The following DIAPH3 variants were observed in gnomAD, a reference collection of about 807,000 sequenced individuals.
DIAPH3 encodes the protein protein diaphanous homolog 3.
Under a neutral mutation model 144.3 loss-of-function variants are expected in DIAPH3, and 117 were observed. That is an observed-to-expected ratio of 0.81 (90% confidence interval 0.70 to 0.95). DIAPH3 has a LOEUF of 0.95. DIAPH3 is among the 40% of genes least tolerant of loss of function. The pLI, the probability that DIAPH3 is intolerant of heterozygous loss-of-function variation, is 0.00. For missense variants in DIAPH3, 1,421 were observed against 1,412.7 expected, an observed-to-expected ratio of 1.01 and a Z score of -0.09; for synonymous variants, 519 against 488.9, an observed-to-expected ratio of 1.06 and a Z score of -0.81.
chr13:60,155,075 A>C (rs886540940), intron 1 of DIAPH3, among the ~76,000 whole-genome samples: 9 of 152,226 alleles, frequency 5.9e-5, no homozygotes, highest in Non-Finnish European at 5.9e-5. Context: ...CATAAAGTAG[A>C]GTTAATTCAA....
intron 27 of DIAPH3, among the ~76,000 whole-genome samples, chr13:59,707,338 G>T (rs1436693049): frequency 6.6e-6 from 1 of 152,120 alleles, no homozygotes; most frequent in Non-Finnish European, 1.5e-5. Context: ...GCTGGCACCT[G>T]GTTAAGTAAT....
intron 22 of DIAPH3, among the ~76,000 whole-genome samples, chr13:59,851,976 A>G (rs1047052151): frequency 1.3e-5 from 2 of 152,172 alleles, no homozygotes; most frequent in African/African-American, 4.8e-5. Context: ...CTCACAGTCA[A>G]GCCTAATCCT....
At chr13:59,946,163 G>C (rs891143994) in intron 17 of DIAPH3, among the ~76,000 whole-genome samples, 21 of 152,022 alleles carry the variant, frequency 1.4e-4, no homozygotes, top group African/African-American at 4.3e-4. Context: ...GAAAATGATA[G>C]CTATGATCTA....
intron 25 of DIAPH3, among the ~76,000 whole-genome samples, chr13:59,795,090 T>A (rs2039522346): frequency 6.6e-6 from 1 of 152,194 alleles, no homozygotes; most frequent in Non-Finnish European, 1.5e-5. Flanking sequence ...GTGGGCTCCA[T>A]CAAATATTGC....
chr13:59,809,400 C>T (rs1312570079), intron 25 of DIAPH3, among the ~76,000 whole-genome samples: 1 of 151,426 alleles, frequency 6.6e-6, no homozygotes, highest in East Asian at 2.0e-4. Context: ...ACTCGGGAGG[C>T]TTGAGGCAGG....
intron 24 of DIAPH3, among the ~76,000 whole-genome samples, chr13:59,817,263 CT>C (rs2040828822): frequency 1.3e-5 from 2 of 151,808 alleles, no homozygotes; most frequent in Admixed American, 1.3e-4. Flanking sequence ...TGATATTTTT[CT>C]GCTTATCAGT....
chr13:59,820,932 C>G (rs912911390), intron 24 of DIAPH3, among the ~76,000 whole-genome samples: 3 of 151,772 alleles, frequency 2.0e-5, no homozygotes, highest in Admixed American at 6.6e-5. Flanking sequence ...GCCCACCCAA[C>G]TCAACATTTT....
intron 22 of DIAPH3, among the ~76,000 whole-genome samples, chr13:59,847,003 C>A (rs1272447692): frequency 6.6e-6 from 1 of 152,092 alleles, no homozygotes; most frequent in Non-Finnish European, 1.5e-5. Flanking sequence ...AGCTTGAGCC[C>A]AGGAATTTGA....
intron 20 of DIAPH3, among the ~76,000 whole-genome samples, chr13:59,884,099 C>A (rs1392301175): frequency 1.3e-5 from 2 of 152,088 alleles, no homozygotes; most frequent in African/African-American, 4.8e-5. Flanking sequence ...TGCATTACCA[C>A]CTGAGCTTGA....
chr13:59,758,780 T>TC (rs1336861086), intron 27 of DIAPH3, among the ~76,000 whole-genome samples: 7 of 135,682 alleles, frequency 5.2e-5, no homozygotes, highest in Non-Finnish European at 9.6e-5. Context: ...TTTCTCTCTC[T>TC]TTTTTTTTTT....
chr13:60,068,194 T>C (rs955619544), intron 4 of DIAPH3, among the ~76,000 whole-genome samples: 3 of 152,194 alleles, frequency 2.0e-5, no homozygotes, highest in East Asian at 1.9e-4. Flanking sequence ...TGCTCATCTA[T>C]TGGTGCTTTC....
chr13:59,821,582 TGGTA>T (rs2041078751), intron 24 of DIAPH3, among the ~76,000 whole-genome samples: 1 of 152,160 alleles, frequency 6.6e-6, no homozygotes, highest in South Asian at 2.1e-4. Context: ...TTATTTTCTT[TGGTA>T]ACTAAATGTA....
At chr13:59,716,299 C>T (rs1371783439) in intron 27 of DIAPH3, among the ~76,000 whole-genome samples, 1 of 152,142 alleles carries the variant, frequency 6.6e-6, no homozygotes, top group Non-Finnish European at 1.5e-5. Context: ...CCTCAGCCTC[C>T]CCAGTAGCTG....
intron 9 of DIAPH3, among the ~76,000 whole-genome samples, chr13:59,993,702 T>A (rs1312489762): frequency 1.4e-4 from 10 of 73,868 alleles, no homozygotes; most frequent in South Asian, 9.0e-4. Context: ...GAAACATACT[T>A]AAAAAAAAAA....
intron 20 of DIAPH3, among the ~76,000 whole-genome samples, chr13:59,910,011 C>G (rs1328725673): frequency 6.6e-6 from 1 of 152,116 alleles, no homozygotes; most frequent in Non-Finnish European, 1.5e-5. Context: ...CACTAGAACA[C>G]AGAAATAGTT....
intron 5 of DIAPH3, among the ~76,000 whole-genome samples, chr13:60,037,013 G>A (rs1190213252): frequency 1.2e-3 from 12 of 9,876 alleles, no homozygotes; most frequent in Non-Finnish European, 4.3e-4. Flanking sequence ...ACCCAGACAC[G>A]TAAAAGAAAC....
Position 60,015,904 on chromosome 13 carries a change from T to G in DIAPH3, c.771+9A>C, listed in dbSNP as rs2053610110. On this transcript the variant is annotated intron_variant, in intron 7 of 27. Coordinates refer to ENST00000400324, the MANE Select transcript of DIAPH3 (RefSeq NM_001042517.2). The stretch of plus-strand genomic sequence containing the variant: ...GTGACGGACAAATACTAATTACGTA[T>G]GTACATACCTGCGTATTCATCAGGG... 4 of 1,606,090 alleles carry G rather than the reference T, an allele frequency of 2.5e-6. No individual in the cohort carries two copies. Among genetic ancestry groups the G allele is most frequent in the Non-Finnish European group, 3.4e-6 (4 of 1,173,894 alleles).
At chr13:59,741,703 C>CAAAAAAAAAAAAAAA (rs756556231) in intron 27 of DIAPH3, among the ~76,000 whole-genome samples, 10 of 93,672 alleles carry the variant, frequency 1.1e-4, no homozygotes, top group South Asian at 6.4e-4. Context: ...GGCAACAAAG[C>CAAAAAAAAAAAAAAA]AAAAAAAAAA....
intron 27 of DIAPH3, among the ~76,000 whole-genome samples, chr13:59,731,746 T>G (rs1473468537): frequency 6.6e-6 from 1 of 152,100 alleles, no homozygotes; most frequent in Non-Finnish European, 1.5e-5. Flanking sequence ...TATTAAAAAA[T>G]GAAAAAGGAA....
Sources: gnomAD v4.1 joint callset for allele counts (sites outside exome capture counted in the v4.1 genomes callset) on GRCh38, gnomAD v4.1.1 for gene constraint, MANE v1.5 for transcripts, NCBI Gene and HGNC (gene_info 2026-07-23, HGNC 2026-07-21) for gene names.